The following ZBTB7C variants were observed in gnomAD, a reference collection of about 807,000 sequenced individuals.
ZBTB7C encodes zinc finger and BTB domain containing 7C.
A neutral mutation model predicts 25.7 loss-of-function variants in ZBTB7C; 8 were observed. The ratio of observed to expected loss-of-function variants is 0.31; its 90% CI spans 0.18 to 0.56. The LOEUF (loss-of-function observed/expected upper bound fraction) is 0.56. Among genes scored for constraint, ZBTB7C ranks in the 20% least tolerant of loss-of-function variants. The pLI, the probability that ZBTB7C is intolerant of heterozygous loss-of-function variation, is 0.91. For missense variants in ZBTB7C, 824 were observed against 855.2 expected (o/e 0.96, Z 0.46); for synonymous variants, 394 against 369.0 (o/e 1.07, Z -0.78).
chr18:48,230,713 GA>G (rs1465737743), intron 2 of ZBTB7C, among the ~76,000 whole-genome samples: 12 of 152,202 alleles, frequency 7.9e-5, no homozygotes, highest in African/African-American at 2.9e-4. Flanking sequence ...AGTCCAAGGC[GA>G]AAGGGCAGCC....
intron 1 of ZBTB7C, among the ~76,000 whole-genome samples, chr18:48,347,854 G>C (rs2046776802): frequency 6.6e-6 from 1 of 152,218 alleles, no homozygotes; most frequent in Admixed American, 6.5e-5. Context: ...TTCTGGGGAT[G>C]AAACACCGAA....
chr18:48,184,134 T>C (rs543328767), intron 3 of ZBTB7C, among the ~76,000 whole-genome samples: 6 of 152,270 alleles, frequency 3.9e-5, no homozygotes, highest in African/African-American at 1.4e-4. Context: ...GGCAGCACCA[T>C]AACCACCTTC....
At chr18:48,134,820 C>T (rs956659926) in intron 3 of ZBTB7C, among the ~76,000 whole-genome samples, 9 of 152,216 alleles carry the variant, frequency 5.9e-5, no homozygotes, top group South Asian at 4.1e-4. Flanking sequence ...GCAGACTCTT[C>T]GAAACCCACA....
At chr18:48,279,318 TTCCCTGCC>T (rs2044762242) in intron 2 of ZBTB7C, among the ~76,000 whole-genome samples, 1 of 152,150 alleles carries the variant, frequency 6.6e-6, no homozygotes, top group African/African-American at 2.4e-5. Flanking sequence ...ATGCTCCAGG[TTCCCTGCC>T]TCCCTGCAGT....
At chr18:48,103,109 A>ATC (rs1568220031) in intron 3 of ZBTB7C, among the ~76,000 whole-genome samples, 11 of 79,888 alleles carry the variant, frequency 1.4e-4, no homozygotes, top group East Asian at 4.0e-4. Context: ...TATATATTTT[A>ATC]TATTATCTAT....
chr18:48,128,874 TAAAG>T (rs1405417913), intron 3 of ZBTB7C, among the ~76,000 whole-genome samples: 13 of 150,806 alleles, frequency 8.6e-5, no homozygotes, highest in African/African-American at 3.2e-4. Context: ...TTTTTTTTTT[TAAAG>T]AAAGAAGTGT....
chr18:48,397,082 T>C (rs1226201926), intron 1 of ZBTB7C, among the ~76,000 whole-genome samples: 1 of 152,256 alleles, frequency 6.6e-6, no homozygotes, highest in Non-Finnish European at 1.5e-5. Context: ...TGGACTAAAA[T>C]AAACGGTTTT....
intron 3 of ZBTB7C, among the ~76,000 whole-genome samples, chr18:48,153,885 T>A (rs2040755179): frequency 6.6e-6 from 1 of 152,226 alleles, no homozygotes; most frequent in African/African-American, 2.4e-5. Context: ...CTCTCAGGGT[T>A]TTGAACTTGG....
chr18:48,363,183 G>A (rs1048004517), intron 1 of ZBTB7C, among the ~76,000 whole-genome samples: 2 of 151,360 alleles, frequency 1.3e-5, no homozygotes, highest in Admixed American at 6.6e-5. Flanking sequence ...TTGCTGTTGA[G>A]GTTTTTGTGT....
chr18:48,130,896 T>A (rs1196617553), intron 3 of ZBTB7C, among the ~76,000 whole-genome samples: 1 of 152,180 alleles, frequency 6.6e-6, no homozygotes, highest in Non-Finnish European at 1.5e-5. Flanking sequence ...TATAATCTTT[T>A]ATTTATTTTT....
At chr18:48,381,928 C>A (rs764203061) in intron 1 of ZBTB7C, among the ~76,000 whole-genome samples, 1 of 152,216 alleles carries the variant, frequency 6.6e-6, no homozygotes, top group South Asian at 2.1e-4. Flanking sequence ...ATGCCACTGA[C>A]CAAGTGATCA....
chr18:48,039,821 C>T (rs553906355), intron 4 of ZBTB7C, 79 bp downstream of exon 4: 169 of 1,483,118 alleles, frequency 1.1e-4, no homozygotes, highest in Non-Finnish European at 1.4e-4. Flanking sequence ...CTGTCTCCAC[C>T]GCCAGCCTCC....
At chr18:48,290,816 C>G (rs1347884399) in intron 2 of ZBTB7C, among the ~76,000 whole-genome samples, 1 of 152,224 alleles carries the variant, frequency 6.6e-6, no homozygotes, top group African/African-American at 2.4e-5. Context: ...CTCCTGCCAC[C>G]TCCCTAGTCC....
rs918578609 is a variant in ZBTB7C at position 48,373,373 on chromosome 18, G to A, written c.-303-34975C>T. ...CTGATGCTTCCCTAGAAGCTGAGCAGATGCCAGCACCATACTTCCTGTAAA... is the reference window on the plus strand; with the variant it reads ...CTGATGCTTCCCTAGAAGCTGAGCAAATGCCAGCACCATACTTCCTGTAAA... On this transcript the variant is annotated intron_variant, in intron 1 of 4. Transcript: ENST00000590800. Among the ~76,000 whole-genome samples, 3 of 152,104 alleles carry A rather than the reference G, an allele frequency of 2.0e-5. No homozygotes were observed. The East Asian group carries it at 5.8e-4, about 29-fold the overall frequency.
At chr18:48,117,412 C>T (rs2039478998) in intron 3 of ZBTB7C, among the ~76,000 whole-genome samples, 1 of 152,112 alleles carries the variant, frequency 6.6e-6, no homozygotes, top group Non-Finnish European at 1.5e-5. Flanking sequence ...TCAGTTCCTG[C>T]CATACTGAGA....
chr18:48,235,137 G>A (rs74805398), intron 2 of ZBTB7C, among the ~76,000 whole-genome samples: 8,678 of 152,060 alleles, frequency 0.057, 402 homozygotes, highest in East Asian at 0.18. Context: ...CTCTCTTTTA[G>A]CTGGTAGATT....
At chr18:48,396,901 G>A (rs2048040242) in intron 1 of ZBTB7C, among the ~76,000 whole-genome samples, 1 of 152,180 alleles carries the variant, frequency 6.6e-6, no homozygotes, top group South Asian at 2.1e-4. Context: ...TAAAGCATAG[G>A]TGGACGCCTA....
intron 3 of ZBTB7C, among the ~76,000 whole-genome samples, chr18:48,182,031 A>G (rs2041938968): frequency 6.6e-6 from 1 of 152,214 alleles, no homozygotes; most frequent in Non-Finnish European, 1.5e-5. Flanking sequence ...CCACCCCACC[A>G]GAGGCAGCTG....
intron 3 of ZBTB7C, among the ~76,000 whole-genome samples, chr18:48,094,149 C>G (rs1598866471): frequency 6.6e-6 from 1 of 152,352 alleles, no homozygotes. Flanking sequence ...TTTATTCTGG[C>G]TACTGTTCAA....
Sources: allele counts gnomAD v4.1 joint callset (sites outside exome capture counted in the v4.1 genomes callset), GRCh38; gene constraint gnomAD v4.1.1; transcripts MANE v1.5; gene names NCBI Gene and HGNC (gene_info 2026-07-23, HGNC 2026-07-21).